DNAH1: variants seen among roughly 807,000 people sequenced by gnomAD.
The protein encoded by DNAH1 is axonemal beta dynein heavy chain 1.
In DNAH1, 327 loss-of-function variants were observed where a neutral mutation model predicts 484.3. That is an observed-to-expected ratio of 0.68 (90% CI 0.62 to 0.74). The LOEUF (loss-of-function observed/expected upper bound fraction) is 0.74. Among genes scored for constraint, DNAH1 ranks in the 30% least tolerant of loss-of-function variants. The probability of loss-of-function intolerance (pLI) is 0.00; values close to 1 mark genes in which losing one functional copy is unlikely to be tolerated. For synonymous variants in DNAH1, 2,192 were observed against 2,191.9 expected (o/e 1.00, Z 0.00); for missense variants, 5,052 against 5,546.8 (o/e 0.91, Z 2.83).
intron 8 of DNAH1, among the ~76,000 whole-genome samples, chr3:52,335,031 ACCTCGTGAT>A (rs1701687800): frequency 6.6e-6 from 1 of 151,376 alleles, no homozygotes. Flanking sequence ...CGATCTCCTG[ACCTCGTGAT>A]CCACCTGCCT....
Position 52,372,237 on chromosome 3 carries a change from T to C in DNAH1, c.6677T>C (p.Ile2226Thr). 3 of 1,613,888 alleles carry C rather than the reference T, an allele frequency of 1.9e-6. No homozygotes were observed. Among genetic ancestry groups the C allele is most frequent in the Non-Finnish European group, 2.5e-6 (3 of 1,179,858 alleles). The stretch of plus-strand genomic sequence containing the variant: ...TCCCCGCTCTGCCAGGTGCTGTGCA[T>C]TGGGCCAACAGGCACGGGGAAGACG... ...LLTNKKPVLC[I>T]GPTGTGKTLT... The change falls in exon 43 of 78, where the codon ATT (isoleucine) becomes ACT (threonine). Residue 2226 changes from isoleucine to threonine, a missense_variant. This residue lies in a region of DNAH1 where 2,929 missense variants were observed against 3,409.4 expected (regional missense o/e 0.86). Transcript: ENST00000420323.
intron 10 of DNAH1, among the ~76,000 whole-genome samples, chr3:52,345,948 A>T (rs544609012): frequency 9.9e-5 from 15 of 152,104 alleles, no homozygotes; most frequent in Admixed American, 9.8e-4. Flanking sequence ...TCTCTTTCCA[A>T]TCCCTTTCCA....
At chr3:52,386,493 G>A in intron 55 of DNAH1, 148 bp downstream of exon 55, 1 of 1,331,606 alleles carries the variant, frequency 7.5e-7, no homozygotes, top group Non-Finnish European at 1.0e-6. Flanking sequence ...CACCTGGGTT[G>A]GGGAACAGAA....
chr3:52,312,321 G>A (rs1435699178), upstream of DNAH1, among the ~76,000 whole-genome samples: 1 of 152,074 alleles, frequency 6.6e-6, no homozygotes, highest in South Asian at 2.1e-4. Context: ...GGTATCTTGG[G>A]TCATATTTTC....
rs572085866 is a variant in DNAH1, at chr3:52,389,041, C to T, written c.9495+104C>T. 2.4e-4 allele frequency: 323 copies of T among 1,336,790 alleles called. 1 individual carries two copies. The highest frequency in any genetic ancestry group is 1.1e-3 in the Middle Eastern group (4 of 3,722). 82.8% of individuals were successfully genotyped at this position (1,336,790 alleles called of 1,614,324 possible). ...GATAGGCAGCCTGCAGGTGGCTCTC[C>T]GCTCACTCAGTCATTCAACAAGCAC... On this transcript the variant is annotated intron_variant, in intron 59 of 77. Coordinates refer to ENST00000420323, the MANE Select transcript of DNAH1 (RefSeq NM_015512.5).
At chr3:52,400,274 C>A (rs1328524526) in intron 77 of DNAH1, 51 bp from the exon 78 acceptor site, 8 of 1,608,980 alleles carry the variant, frequency 5.0e-6, no homozygotes, top group Non-Finnish European at 5.9e-6. Context: ...GCTATCCCTG[C>A]TAGTAGTAAT....
intron 8 of DNAH1, among the ~76,000 whole-genome samples, chr3:52,339,376 C>T (rs532171266): frequency 2.0e-5 from 3 of 152,100 alleles, no homozygotes; most frequent in African/African-American, 4.8e-5. Context: ...GCTTCCTCCC[C>T]GTGATACTTT....
At chr3:52,334,178 A>G (rs1041237361) in intron 8 of DNAH1, among the ~76,000 whole-genome samples, 1 of 152,240 alleles carries the variant, frequency 6.6e-6, no homozygotes, top group African/African-American at 2.4e-5. Context: ...CTAGGCCACA[A>G]ACCTATACAG....
Position 52,396,461 on chromosome 3 carries a change from C to T in DNAH1, c.11353C>T (p.Pro3785Ser). 6.3e-7 allele frequency: 1 copy of T among 1,599,230 alleles called. No homozygotes were observed. The highest frequency in any genetic ancestry group is 1.7e-5 in the Admixed American group (1 of 57,898). The change falls in exon 71 of 78, where the codon CCG becomes TCG. Residue 3785 changes from proline (P) to serine (S), a missense_variant. By Grantham distance (74) the Pro-to-Ser change is moderately conservative. This residue lies in a region of DNAH1 where 853 missense variants were observed against 899.0 expected (regional missense o/e 0.95). Coordinates refer to ENST00000420323, the MANE Select transcript of DNAH1 (RefSeq NM_015512.5). ...GAACGGCTCCAAGATGACCATTGAG[C>T]CGCCACGCGGTGTCAGGGCCAACCT... is the stretch of plus-strand genomic sequence containing the variant. ...LQNGSKMTIE[P>S]PRGVRANLLK...
At chr3:52,344,163 G>T (rs561765046) in intron 8 of DNAH1, among the ~76,000 whole-genome samples, 2 of 152,290 alleles carry the variant, frequency 1.3e-5, no homozygotes, top group Non-Finnish European at 2.9e-5. Context: ...GGCTGTGAGT[G>T]GCAGCTCTCT....
Position 52,353,142 on chromosome 3 carries a change from T to G in DNAH1, c.3067T>G (p.Tyr1023Asp). 1.9e-6 allele frequency: 3 copies of G among 1,613,920 alleles called. No homozygotes were observed. Among genetic ancestry groups the G allele is most frequent in the Non-Finnish European group, 1.7e-6 (2 of 1,179,838 alleles). The change falls in exon 19 of 78, where the codon TAC (tyrosine) becomes GAC (aspartate). Residue 1023 changes from tyrosine to aspartate, a missense_variant. Transcript: ENST00000420323. This position sits in a 1 kb window ranked among gnomAD's most constrained non-coding sequence, Gnocchi z 5.0. ...CAGGATGGTGAAGGAGTTCCAACCC[T>G]ACCTGGACCTTTGGACCACAGCGTC... ...LSRMVKEFQP[Y>D]LDLWTTASDW...
chr3:52,345,523 CT>C lies in DNAH1; in HGVS notation c.1474del (p.Trp492GlyfsTer25). On this transcript the variant is annotated frameshift_variant, in exon 10 of 78. Transcript: ENST00000420323. LOFTEE classifies it high-confidence loss of function. ...TGGTGAGTGTCCCCAAGTACCACTT[CT>C]GGGAGCAGAAGGAGGACTTCACTTT... ...GLVSVPKYHF[W>X]EQKEDFTFVS... 1.3e-6 allele frequency: 2 copies of C among 1,574,510 alleles called. No homozygotes were observed. The highest frequency in any genetic ancestry group is 1.7e-6 in the Non-Finnish European group (2 of 1,159,218).
At chr3:52,317,343 C>T (rs1487791288) in intron 1 of DNAH1, among the ~76,000 whole-genome samples, 2 of 152,018 alleles carry the variant, frequency 1.3e-5, no homozygotes, top group African/African-American at 4.8e-5. Context: ...GGGTGTCGGG[C>T]GCATCCGCTG....
chr3:52,311,532 G>A (rs924386658), upstream of DNAH1, among the ~76,000 whole-genome samples: 2 of 152,108 alleles, frequency 1.3e-5, no homozygotes, highest in Non-Finnish European at 2.9e-5. Flanking sequence ...GAGACTGCAG[G>A]GGGAAATGCC....
At chr3:52,393,971 A>C (rs2153225663) in intron 66 of DNAH1, among the ~76,000 whole-genome samples, 1 of 152,360 alleles carries the variant, frequency 6.6e-6, no homozygotes. Context: ...AGGTTCAAGA[A>C]GGCCAATGTT....
Position 52,386,592 on chromosome 3 carries a change from T to G in DNAH1, c.8812-70T>G. On this transcript the variant is annotated intron_variant, in intron 55 of 77. Coordinates refer to ENST00000420323, the MANE Select transcript of DNAH1 (RefSeq NM_015512.5). ...AGACTTGGTTGGTAGGGCCAACCTT[T>G]CTGGCAGGGTCCCTGCCGAGGGGTG... is the stretch of plus-strand genomic sequence containing the variant. 2.1e-6 allele frequency: 3 copies of G among 1,454,402 alleles called. No individual in the cohort carries two copies. In the South Asian group the frequency reaches 4.3e-5, roughly 21 times the overall value. 90.1% of individuals were successfully genotyped at this position (1,454,402 alleles called of 1,614,324 possible).
chr3:52,367,140 C>T (rs559802398), intron 36 of DNAH1, among the ~76,000 whole-genome samples: 16 of 152,338 alleles, frequency 1.1e-4, no homozygotes, highest in Admixed American at 9.8e-4. Flanking sequence ...TTAACACGCT[C>T]AGTGCCTCTG....
At chr3:52,348,515 A>AG (rs1325854187) in intron 12 of DNAH1, among the ~76,000 whole-genome samples, 1 of 152,116 alleles carries the variant, frequency 6.6e-6, no homozygotes, top group East Asian at 1.9e-4. Context: ...CAGACCCAAG[A>AG]GCCTCTGTAG....
intron 8 of DNAH1, among the ~76,000 whole-genome samples, chr3:52,340,375 C>G (rs1701891998): frequency 6.6e-6 from 1 of 151,858 alleles, no homozygotes; most frequent in South Asian, 2.1e-4. Flanking sequence ...AGCCACTGCG[C>G]CCAGCCTGGG....
Sources: gnomAD v4.1 joint callset for allele counts (sites outside exome capture counted in the v4.1 genomes callset) on GRCh38, gnomAD v4.1.1 for gene constraint, gnomAD v4.1.1 regional missense constraint, Gnocchi (gnomAD v3.1) non-coding constraint, MANE v1.5 for transcripts, NCBI Gene and HGNC (gene_info 2026-07-23, HGNC 2026-07-21) for gene names.